The following WDR27 variants were observed in gnomAD, a reference collection of about 807,000 sequenced individuals.
WDR27 encodes the protein WD repeat-containing protein 27.
A neutral mutation model predicts 114.4 loss-of-function variants in WDR27; 100 were observed. The observed-to-expected ratio is 0.87, with a 90% confidence interval of 0.74 to 1.03. The LOEUF is 1.03. Among genes scored for constraint, WDR27 ranks in the 50% least tolerant of loss-of-function variants. The pLI is 0.00. For missense variants in WDR27, 1,129 were observed against 1,092.9 expected (o/e 1.03, Z -0.47); for synonymous variants, 449 against 423.1 (o/e 1.06, Z -0.75).
chr6:169,611,330 G>C (rs950779763), intron 22 of WDR27, among the ~76,000 whole-genome samples: 1 of 119,980 alleles, frequency 8.3e-6, no homozygotes, highest in Non-Finnish European at 1.6e-5. Context: ...TTTTGAGACA[G>C]AGTCTCACTC....
chr6:169,636,533 A>C (rs760646181), intron 18 of WDR27, 29 bp from the exon 19 acceptor site: 3 of 1,571,628 alleles, frequency 1.9e-6, no homozygotes, highest in Non-Finnish European at 1.7e-6. Context: ...ATTACTGTCA[A>C]TATAATAAAT....
intron 3 of WDR27, 91 bp from the exon 4 acceptor site, chr6:169,670,784 T>C (rs1333614467): frequency 6.7e-7 from 1 of 1,481,758 alleles, no homozygotes; most frequent in African/African-American, 1.4e-5. Context: ...AACCCTCTAT[T>C]CTAAAATTAC....
chr6:169,449,008 C>T, the WDR27 span, among the ~76,000 whole-genome samples: 472 of 152,318 alleles, frequency 3.1e-3, 2 homozygotes, highest in South Asian at 9.1e-3. Context: ...CACTAGCTGG[C>T]ATATAAGAAC....
chr6:169,624,729 C>T (rs1217733702), intron 21 of WDR27, among the ~76,000 whole-genome samples: 1 of 152,186 alleles, frequency 6.6e-6, no homozygotes, highest in African/African-American at 2.4e-5. Context: ...AGAGAGCTCA[C>T]CTGACCGTCA....
chr6:169,566,164 A>C (rs967873159), intron 25 of WDR27, among the ~76,000 whole-genome samples: 1 of 152,078 alleles, frequency 6.6e-6, no homozygotes, highest in East Asian at 1.9e-4. Flanking sequence ...TCGTTAGAAG[A>C]AACCAGATCA....
At chr6:169,633,188 T>G (rs1234753104) in intron 20 of WDR27, 120 bp from the exon 21 acceptor site, 1 of 1,111,656 alleles carries the variant, frequency 9.0e-7, no homozygotes, top group Non-Finnish European at 1.2e-6. Flanking sequence ...GGATGACTAG[T>G]TAAGAATTTC....
At chr6:169,690,252 C>T (rs1231075126) in intron 1 of WDR27, among the ~76,000 whole-genome samples, 1 of 151,990 alleles carries the variant, frequency 6.6e-6, no homozygotes, top group Non-Finnish European at 1.5e-5. Flanking sequence ...TACACCCATG[C>T]AGCCATCACA....
intron 25 of WDR27, among the ~76,000 whole-genome samples, chr6:169,517,067 G>C (rs1793765751): frequency 6.6e-6 from 1 of 152,108 alleles, no homozygotes; most frequent in Admixed American, 6.5e-5. Context: ...GATGGGGCCT[G>C]GTGGGAGGTG....
intron 1 of WDR27, among the ~76,000 whole-genome samples, chr6:169,691,356 A>C (rs1784455432): frequency 6.6e-6 from 1 of 151,956 alleles, no homozygotes; most frequent in South Asian, 2.1e-4. Flanking sequence ...TTTTTATCTC[A>C]CTTTTTTTTT....
chr6:169,647,913 A>G (rs1221593306), intron 15 of WDR27, 43 bp from the exon 16 acceptor site: 1 of 1,394,374 alleles, frequency 7.2e-7, no homozygotes, highest in Non-Finnish European at 9.7e-7. Context: ...AGACATTCAC[A>G]GTGAGATTAG....
downstream of WDR27, among the ~76,000 whole-genome samples, chr6:169,454,902 G>A (rs1363831996): frequency 6.6e-6 from 1 of 152,242 alleles, no homozygotes; most frequent in Admixed American, 6.5e-5. Context: ...GTGCCCAGCC[G>A]TGGGCTCCTC....
At chr6:169,454,185 C>T (rs1784261566), downstream of WDR27, among the ~76,000 whole-genome samples, 1 of 152,202 alleles carries the variant, frequency 6.6e-6, no homozygotes. Flanking sequence ...ATTTTATATT[C>T]TGCTCCCTTT....
intron 16 of WDR27, among the ~76,000 whole-genome samples, chr6:169,647,118 C>T (rs1001816936): frequency 6.6e-6 from 1 of 152,138 alleles, no homozygotes; most frequent in Non-Finnish European, 1.5e-5. Context: ...AACTACCCAG[C>T]TGAGGTCAAG....
chr6:169,448,912 A>G, the WDR27 span, among the ~76,000 whole-genome samples: 2 of 152,214 alleles, frequency 1.3e-5, no homozygotes, highest in African/African-American at 4.8e-5. Context: ...TCACGGCAAG[A>G]GTGCATGCAG....
At chr6:169,502,271 A>G (rs570394395) in intron 25 of WDR27, among the ~76,000 whole-genome samples, 1 of 152,290 alleles carries the variant, frequency 6.6e-6, no homozygotes, top group East Asian at 1.9e-4. Flanking sequence ...GCACCTGGAC[A>G]GGCCGGACTC....
intron 25 of WDR27, among the ~76,000 whole-genome samples, chr6:169,557,005 T>C (rs1798989074): frequency 6.6e-6 from 1 of 152,182 alleles, no homozygotes; most frequent in Non-Finnish European, 1.5e-5. Context: ...GGCAGTTACG[T>C]TGCGGTTAAG....
At chr6:169,663,190 GAACTT>G (rs1320564919) in intron 8 of WDR27, among the ~76,000 whole-genome samples, 1 of 152,162 alleles carries the variant, frequency 6.6e-6, no homozygotes, top group Non-Finnish European at 1.5e-5. Flanking sequence ...TCAATTGAAA[GAACTT>G]AACTTCATAT....
intron 17 of WDR27, among the ~76,000 whole-genome samples, chr6:169,639,869 G>A (rs568204571): frequency 3.3e-5 from 5 of 152,182 alleles, no homozygotes; most frequent in East Asian, 1.9e-4. Flanking sequence ...AAGAAGCGGC[G>A]GACACAAAGG....
At chr6:169,610,130 C>G (rs1458245715) in intron 22 of WDR27, among the ~76,000 whole-genome samples, 1 of 152,238 alleles carries the variant, frequency 6.6e-6, no homozygotes, top group Non-Finnish European at 1.5e-5. Flanking sequence ...TTCAACAAGT[C>G]TCTAAGAACT....
Sources: gnomAD v4.1 joint callset for allele counts (sites outside exome capture counted in the v4.1 genomes callset) on GRCh38, gnomAD v4.1.1 for gene constraint, MANE v1.5 for transcripts, NCBI Gene and HGNC (gene_info 2026-07-23, HGNC 2026-07-21) for gene names.